NRG2: variants seen among roughly 807,000 people sequenced by gnomAD.
NRG2 encodes neuregulin 2.
In NRG2, 27 loss-of-function variants were observed where a neutral mutation model predicts 73.9. The ratio of observed to expected loss-of-function variants is 0.37; its 90% CI spans 0.27 to 0.50. The LOEUF (loss-of-function observed/expected upper bound fraction) is 0.50, where lower values mean the gene tolerates loss of function less well. NRG2 is among the 20% of genes least tolerant of loss of function. The probability of loss-of-function intolerance (pLI) is 0.96; values close to 1 mark genes in which losing one functional copy is unlikely to be tolerated. For synonymous variants in NRG2, 532 were observed against 541.0 expected (o/e 0.98, Z 0.23); for missense variants, 1,126 against 1,210.1 (o/e 0.93, Z 1.03).
Position 139,989,874 on chromosome 5 carries a change from C to T in NRG2, c.700+52496G>A, listed in dbSNP as rs189630874. On this transcript the variant is annotated intron_variant, in intron 1 of 9. Transcript: ENST00000361474. ...CGTGATCTCGGCTCACTGCAAGCTC[C>T]GCCTCCTGGGTTCATGCCATTCTCC... Among the ~76,000 whole-genome samples, 788 of 151,292 alleles carry T rather than the reference C, an allele frequency of 5.2e-3. 19 individuals carry two copies. The highest frequency in any genetic ancestry group is 6.9e-3 in the Middle Eastern group (2 of 290).
In NRG2 at chr5:139,847,694, T is replaced by G; in HGVS notation, c.*223A>C. On this transcript the variant is annotated 3_prime_UTR_variant, in exon 10 of 10. Transcript: ENST00000361474. ...TTTTTTCCGAAGCTGTAAATCAGGA[T>G]GTTACATATAAATAGTTTCCCTATA... The G allele has an allele frequency of 2.7e-6, 1 of 365,304 alleles. No individual in the cohort carries two copies. The highest frequency in any genetic ancestry group is 2.1e-5 in the African/African-American group (1 of 47,634). The allele number at this position is 365,304 out of a possible 1,614,324, so 22.6% of individuals were successfully genotyped here.
intron 1 of NRG2, among the ~76,000 whole-genome samples, chr5:140,020,095 T>C (rs1468428513): frequency 6.6e-6 from 1 of 152,218 alleles, no homozygotes; most frequent in East Asian, 1.9e-4. Flanking sequence ...CTGTATACTC[T>C]GAACGTACAG....
chr5:139,959,674 CT>C (rs375590738), intron 1 of NRG2, among the ~76,000 whole-genome samples: 16 of 149,114 alleles, frequency 1.1e-4, no homozygotes, highest in Non-Finnish European at 1.2e-4. Context: ...CCGCGCCTGG[CT>C]TTTTTTTTTG....
intron 1 of NRG2, among the ~76,000 whole-genome samples, chr5:139,892,252 G>T (rs959622401): frequency 6.6e-6 from 1 of 152,218 alleles, no homozygotes; most frequent in Non-Finnish European, 1.5e-5. Flanking sequence ...AGCCCTGCCA[G>T]GTTTTCTGTG....
chr5:139,874,970 A>C (rs112128232), intron 3 of NRG2, among the ~76,000 whole-genome samples: 72 of 152,360 alleles, frequency 4.7e-4, no homozygotes, highest in African/African-American at 1.7e-3. Flanking sequence ...ACTTCTACTT[A>C]TAGCTATTCT....
At chr5:140,038,016 G>A (rs904081493) in intron 1 of NRG2, among the ~76,000 whole-genome samples, 7 of 151,770 alleles carry the variant, frequency 4.6e-5, no homozygotes, top group South Asian at 2.1e-4. Flanking sequence ...GCCTTAAAGC[G>A]GGGTAGCTGA....
intron 1 of NRG2, among the ~76,000 whole-genome samples, chr5:139,898,559 G>T (rs1264089314): frequency 6.6e-6 from 1 of 152,342 alleles, no homozygotes; most frequent in Non-Finnish European, 1.5e-5. Flanking sequence ...AGTGTTTGCA[G>T]CTGGCGAGCT....
chr5:139,904,278 G>T lies in NRG2; in HGVS notation c.701-16767C>A. On this transcript the variant is annotated intron_variant, in intron 1 of 9. Transcript: ENST00000361474. The surrounding 1 kb of genome is among the most constrained non-coding windows in gnomAD (Gnocchi z 6.0). Reference sequence around the variant, plus strand: ...GCGGCAGGTTTCTCCCAGGGAAACCGGGTTTCTGGGCGCGCGGAGGTGCCC... The same window carrying T: ...GCGGCAGGTTTCTCCCAGGGAAACCTGGTTTCTGGGCGCGCGGAGGTGCCC... The T allele has an allele frequency of 6.3e-7, 1 of 1,579,952 alleles. No individual in the cohort carries two copies. Among genetic ancestry groups the T allele is most frequent in the South Asian group, 1.1e-5 (1 of 88,224 alleles).
Position 140,042,850 on chromosome 5 carries a change from G to T in NRG2, c.220C>A (p.Arg74Ser), listed in dbSNP as rs1243528876. The T allele has an allele frequency of 6.7e-7, 1 of 1,496,144 alleles. No homozygotes were observed. The highest frequency in any genetic ancestry group is 2.1e-5 in the Admixed American group (1 of 47,604). The allele number at this position is 1,496,144 out of a possible 1,614,324, so 92.7% of individuals were successfully genotyped here. Residue 74 changes from arginine (R) to serine (S), a missense_variant, in exon 1 of 10, where the codon CGC becomes AGC. Arg to Ser is a moderately radical substitution (Grantham distance 110). Coordinates refer to ENST00000361474, the MANE Select transcript of NRG2 (RefSeq NM_004883.3). Reference sequence around the variant, plus strand: ...GCGGCTCTCCGGGCTGCGGGGCTGCGGGGCTGCGGCTGTTGCTGCGGCCGC... The same window carrying T: ...GCGGCTCTCCGGGCTGCGGGGCTGCTGGGCTGCGGCTGTTGCTGCGGCCGC... ...EPRPQQQPQP[R>S]SPAARRAAAR...
intron 1 of NRG2, among the ~76,000 whole-genome samples, chr5:139,946,821 A>C (rs1343094718): frequency 6.6e-6 from 1 of 152,086 alleles, no homozygotes; most frequent in Non-Finnish European, 1.5e-5. Flanking sequence ...CTTTGGAGAA[A>C]TGTCTTTAAT....
intron 1 of NRG2, among the ~76,000 whole-genome samples, chr5:139,936,961 C>A (rs1752893920): frequency 6.6e-6 from 1 of 152,080 alleles, no homozygotes; most frequent in South Asian, 2.1e-4. Flanking sequence ...ACCACCACAC[C>A]CGGCTAATTT....
At chr5:139,884,204 C>T (rs1004272624) in intron 2 of NRG2, among the ~76,000 whole-genome samples, 1 of 152,142 alleles carries the variant, frequency 6.6e-6, no homozygotes, top group Admixed American at 6.5e-5. Context: ...GATCCCTCTA[C>T]AAAGCAATGA....
Position 139,868,854 on chromosome 5 carries a change from T to C in NRG2, c.1112+2867A>G, listed in dbSNP as rs1392989586. Among the ~76,000 whole-genome samples the C allele has an allele frequency of 1.4e-5, 2 of 146,772 alleles. No homozygotes were observed. The highest frequency in any genetic ancestry group is 5.1e-5 in the African/African-American group (2 of 39,174). The stretch of plus-strand genomic sequence containing the variant: ...GGTGGGATGGGGAATCACCTGGACA[T>C]GGGTGGGGTAGGGGCAGAGGGATGA... On this transcript the variant is annotated intron_variant, in intron 4 of 9. Transcript: ENST00000361474. The surrounding 1 kb of genome is among the most constrained non-coding windows in gnomAD (Gnocchi z 4.2).
chr5:139,848,779 G>GGCC, intron 9 of NRG2, 82 bp from the exon 10 acceptor site: 1 of 198,602 alleles, frequency 5.0e-6, no homozygotes, highest in Non-Finnish European at 1.0e-5. Flanking sequence ...GGTAGGGTGG[G>GGCC]AGGGGCGGAC....
chr5:139,962,769 T>G (rs1186203915), intron 1 of NRG2, among the ~76,000 whole-genome samples: 1 of 152,176 alleles, frequency 6.6e-6, no homozygotes, highest in Non-Finnish European at 1.5e-5. Flanking sequence ...GGTCCTGCAG[T>G]AAGTCAGCAA....
At chr5:139,848,728 GCCAGGCC>G in intron 9 of NRG2, 31 bp from the exon 10 acceptor site, 1 of 1,273,956 alleles carries the variant, frequency 7.8e-7, no homozygotes, top group South Asian at 1.6e-5. Context: ...ATGGGCCAGG[GCCAGGCC>G]GGGCCGGCGC....
intron 3 of NRG2, among the ~76,000 whole-genome samples, chr5:139,877,333 G>A (rs972669234): frequency 2.6e-5 from 4 of 152,238 alleles, no homozygotes; most frequent in Admixed American, 1.3e-4. Context: ...GAACAGAGCA[G>A]TAGCCACTCA....
At chr5:139,907,964 C>T (rs74890142) in intron 1 of NRG2, among the ~76,000 whole-genome samples, 3 of 152,260 alleles carry the variant, frequency 2.0e-5, no homozygotes, top group Non-Finnish European at 2.9e-5. Flanking sequence ...TACACATTTT[C>T]TCTCTTGTTA....
At position 139,865,324 on chromosome 5, in the gene NRG2, G is replaced by T; in HGVS notation, c.1189+225C>A. The stretch of plus-strand genomic sequence containing the variant: ...CTTGCCACTCTGCCCCTTACCTGCA[G>T]CCCTGAACTTTAAACCCAAGGATTA... On this transcript the variant is annotated intron_variant, in intron 5 of 9. Transcript: ENST00000361474. This position sits in a 1 kb window ranked among gnomAD's most constrained non-coding sequence, Gnocchi z 5.2. 1 of 761,722 alleles carries T rather than the reference G, an allele frequency of 1.3e-6. No individual in the cohort carries two copies. The highest frequency in any genetic ancestry group is 2.3e-6 in the Non-Finnish European group (1 of 436,726). 47.2% of individuals were successfully genotyped at this position (761,722 alleles called of 1,614,324 possible).
Sources: gnomAD v4.1 joint callset for allele counts (sites outside exome capture counted in the v4.1 genomes callset) on GRCh38, gnomAD v4.1.1 for gene constraint, Gnocchi (gnomAD v3.1) non-coding constraint, MANE v1.5 for transcripts, NCBI Gene and HGNC (gene_info 2026-07-23, HGNC 2026-07-21) for gene names.